ITGAV: variants seen among roughly 807,000 people sequenced by gnomAD.
ITGAV encodes the protein integrin alpha-V.
A neutral mutation model predicts 143.8 loss-of-function variants in ITGAV; 76 were observed. That is an observed-to-expected ratio of 0.53 (90% CI 0.44 to 0.64). The LOEUF (loss-of-function observed/expected upper bound fraction) is 0.64. Ranked by LOEUF, ITGAV falls within the 30% of genes least tolerant of loss-of-function variation. ITGAV has a pLI of 0.00. For synonymous variants in ITGAV, 453 were observed against 446.7 expected (o/e 1.01, Z -0.18); for missense variants, 1,193 against 1,274.7 (o/e 0.94, Z 0.98).
rs201056699 is a variant in ITGAV, at chr2:186,680,159, C to T, written c.*2867C>T. The T allele has an allele frequency of 2.6e-5, 4 of 152,082 alleles. No homozygotes were observed. Among genetic ancestry groups the T allele is most frequent in the Non-Finnish European group, 5.9e-5 (4 of 67,950 alleles). The allele number at this position is 152,082 out of a possible 1,614,324, so 9.4% of individuals were successfully genotyped here. ...GAGTCGTTCTTGGAATACCTATGTGCAGCCACTACCCATCTCAATGTCACC... is the reference window on the plus strand; with the variant it reads ...GAGTCGTTCTTGGAATACCTATGTGTAGCCACTACCCATCTCAATGTCACC... On this transcript the variant is annotated 3_prime_UTR_variant, in exon 30 of 30. Transcript: ENST00000261023.
Position 186,680,733 on chromosome 2 carries a change from A to G in ITGAV, c.*3441A>G, listed in dbSNP as rs2105760895. On this transcript the variant is annotated 3_prime_UTR_variant, in exon 30 of 30. Coordinates refer to ENST00000261023, the MANE Select transcript of ITGAV (RefSeq NM_002210.5). ...ATTAATTTGCTACCTAATAACATAGAAAGTAAATATCTTTGTGGTCACCCA... is the reference window on the plus strand; with the variant it reads ...ATTAATTTGCTACCTAATAACATAGGAAGTAAATATCTTTGTGGTCACCCA... 1 of 152,758 alleles carries G rather than the reference A, an allele frequency of 6.5e-6. No homozygotes were observed. The highest frequency in any genetic ancestry group is 2.1e-4 in the South Asian group (1 of 4,828). 9.5% of individuals were successfully genotyped at this position (152,758 alleles called of 1,614,324 possible).
At chr2:186,597,205 C>T (rs976891383) in intron 1 of ITGAV, among the ~76,000 whole-genome samples, 2 of 152,186 alleles carry the variant, frequency 1.3e-5, no homozygotes, top group African/African-American at 2.4e-5. Flanking sequence ...AATGCTCCTA[C>T]TGGGCTCTTT....
chr2:186,630,757 G>C, intron 4 of ITGAV, 40 bp from the exon 5 acceptor site: 1 of 1,087,788 alleles, frequency 9.2e-7, no homozygotes, highest in Non-Finnish European at 1.4e-6. Context: ...TGTGTTGTTT[G>C]TTTTTGGGTT....
chr2:186,658,395 C>T (rs953387845), intron 17 of ITGAV, among the ~76,000 whole-genome samples: 28 of 152,046 alleles, frequency 1.8e-4, no homozygotes, highest in East Asian at 1.9e-4. Flanking sequence ...ACATTGCGGA[C>T]GGCAGTGTGA....
chr2:186,669,964 C>T, intron 26 of ITGAV, 150 bp downstream of exon 26: 1 of 629,322 alleles, frequency 1.6e-6, no homozygotes, highest in South Asian at 1.9e-5. Context: ...TTTCCTTTTT[C>T]CTAGTCAGAT....
intron 13 of ITGAV, among the ~76,000 whole-genome samples, chr2:186,647,355 C>T (rs1688291587): frequency 6.6e-6 from 1 of 151,852 alleles, no homozygotes; most frequent in South Asian, 2.1e-4. Flanking sequence ...CCCACCTCAG[C>T]CTCCTTAGTA....
At chr2:186,652,495 A>G (rs968115502) in intron 15 of ITGAV, among the ~76,000 whole-genome samples, 5 of 152,302 alleles carry the variant, frequency 3.3e-5, no homozygotes, top group Admixed American at 6.5e-5. Flanking sequence ...ACCTGGCCTT[A>G]TACTCTATTT....
intron 12 of ITGAV, among the ~76,000 whole-genome samples, chr2:186,646,229 G>GA (rs1377558551): frequency 1.3e-5 from 2 of 152,044 alleles, no homozygotes; most frequent in South Asian, 2.1e-4. Context: ...CTTCTGTTCA[G>GA]AAAAAACAAT....
At chr2:186,605,438 C>T (rs1687031681) in intron 2 of ITGAV, among the ~76,000 whole-genome samples, 1 of 152,218 alleles carries the variant, frequency 6.6e-6, no homozygotes, top group South Asian at 2.1e-4. Flanking sequence ...ATGACCATCT[C>T]ATTTAAAATT....
intron 2 of ITGAV, among the ~76,000 whole-genome samples, chr2:186,605,740 GTA>G (rs68052001): frequency 0.7 from 35,575 of 50,780 alleles, 15,844 homozygotes; most frequent in South Asian, 0.94. Flanking sequence ...TTGTAGATGT[GTA>G]TATATATATA....
intron 18 of ITGAV, among the ~76,000 whole-genome samples, chr2:186,659,650 T>C (rs925370897): frequency 2.6e-5 from 4 of 151,920 alleles, no homozygotes; most frequent in African/African-American, 9.7e-5. Context: ...TTAAATATTG[T>C]TAATTCTAGT....
At chr2:186,648,330 T>A (rs1007529969) in intron 13 of ITGAV, among the ~76,000 whole-genome samples, 5 of 152,220 alleles carry the variant, frequency 3.3e-5, no homozygotes, top group African/African-American at 1.2e-4. Flanking sequence ...TTTTGTCAAC[T>A]TTTTAAAGCA....
intron 1 of ITGAV, among the ~76,000 whole-genome samples, chr2:186,596,450 T>G (rs1686750655): frequency 6.6e-6 from 1 of 151,544 alleles, no homozygotes; most frequent in African/African-American, 2.4e-5. Flanking sequence ...TAGTATGTGT[T>G]GCTTTTTTTT....
chr2:186,595,493 G>A (rs987804762), intron 1 of ITGAV, among the ~76,000 whole-genome samples: 6 of 151,968 alleles, frequency 3.9e-5, no homozygotes, highest in Non-Finnish European at 7.4e-5. Context: ...CCTCTGTATC[G>A]CTCTCTCTTT....
Position 186,678,759 on chromosome 2 carries a change from T to C in ITGAV, c.*1467T>C, listed in dbSNP as rs1462589048. The C allele has an allele frequency of 2.2e-6, 1 of 455,728 alleles. No homozygotes were observed. The highest frequency in any genetic ancestry group is 4.4e-6 in the Non-Finnish European group (1 of 226,332). 28.2% of individuals were successfully genotyped at this position (455,728 alleles called of 1,614,324 possible). On this transcript the variant is annotated 3_prime_UTR_variant, in exon 30 of 30. Coordinates refer to ENST00000261023, the MANE Select transcript of ITGAV (RefSeq NM_002210.5). ...TGTGCAATTACATCATGTTGTACATTAGAAATGGAGAGTTTAATAGCTCTT... is the reference window on the plus strand; with the variant it reads ...TGTGCAATTACATCATGTTGTACATCAGAAATGGAGAGTTTAATAGCTCTT...
rs1370328534 is a variant in ITGAV, at chr2:186,666,745, G to A, written c.2208G>A (p.Glu736=). The change falls in exon 22 of 30, where the codon GAG becomes GAA. Residue 736 remains glutamate, a synonymous_variant. Coordinates refer to ENST00000261023, the MANE Select transcript of ITGAV (RefSeq NM_002210.5). ...GLRFSVHQQS[E]MDTSVKFDLQ... ...GTTTCAGTGTGCACCAGCAGTCAGAGATGGATACTTCTGTGAAATTTGACT... is the reference window on the plus strand; with the variant it reads ...GTTTCAGTGTGCACCAGCAGTCAGAAATGGATACTTCTGTGAAATTTGACT... The A allele has an allele frequency of 1.3e-6, 2 of 1,587,248 alleles. No homozygotes were observed. The highest frequency in any genetic ancestry group is 1.7e-6 in the Non-Finnish European group (2 of 1,169,070).
At position 186,678,875 on chromosome 2, in the gene ITGAV, C is replaced by T. The variant is rs993550085; in HGVS notation, c.*1583C>T. On this transcript the variant is annotated 3_prime_UTR_variant, in exon 30 of 30. Transcript: ENST00000261023. ...TTAAAAATGATTGAAATTTATCTTG[C>T]CATATCTCATAATTTCATGCACAAG... is the stretch of plus-strand genomic sequence containing the variant. The T allele has an allele frequency of 4.5e-5, 17 of 379,780 alleles. No homozygotes were observed. The highest frequency in any genetic ancestry group is 6.6e-5 in the Admixed American group (2 of 30,368). 23.5% of individuals were successfully genotyped at this position (379,780 alleles called of 1,614,324 possible).
chr2:186,667,713 G>A lies in ITGAV; in HGVS notation c.2370G>A (p.Trp790Ter), dbSNP rs1212862675. 6.2e-7 allele frequency: 1 copy of A among 1,610,988 alleles called. No homozygotes were observed. Among genetic ancestry groups the A allele is most frequent in the South Asian group, 1.1e-5 (1 of 90,720 alleles). ...ATGTCTTTCTTCCGATTCCAAACTG[G>A]GAGCACAAGGAGAACCCTGAGACTG... ...PDHVFLPIPNWEHKENPETEE... is the reference protein window; with the variant it reads ...PDHVFLPIPN Residue 790 changes from tryptophan to a stop codon, truncating the protein, a stop_gained, in exon 24 of 30, where the codon TGG becomes TGA. Coordinates refer to ENST00000261023, the MANE Select transcript of ITGAV (RefSeq NM_002210.5). LOFTEE classifies it high-confidence loss of function.
intron 4 of ITGAV, among the ~76,000 whole-genome samples, chr2:186,630,357 T>A (rs1396805333): frequency 6.6e-6 from 1 of 151,330 alleles, no homozygotes; most frequent in Admixed American, 6.6e-5. Context: ...CCACTATAGT[T>A]TTTCTAAAAA....
Sources: allele counts gnomAD v4.1 joint callset (sites outside exome capture counted in the v4.1 genomes callset), GRCh38; gene constraint gnomAD v4.1.1; transcripts MANE v1.5; gene names NCBI Gene and HGNC (gene_info 2026-07-23, HGNC 2026-07-21).